Variants in ZDHHC14 observed in about 807,000 individuals in gnomAD.
ZDHHC14 encodes the protein palmitoyltransferase ZDHHC14.
In ZDHHC14, 16 loss-of-function variants were observed where a neutral mutation model predicts 47.7. That is an observed-to-expected ratio of 0.34 (90% confidence interval 0.23 to 0.51). The LOEUF is 0.51. Among genes scored for constraint, ZDHHC14 ranks in the 20% least tolerant of loss-of-function variants. ZDHHC14 has a pLI of 0.97. For missense variants in ZDHHC14, 515 were observed against 662.5 expected (o/e 0.78, Z 2.44); for synonymous variants, 293 against 278.9 (o/e 1.05, Z -0.50).
Position 157,672,887 on chromosome 6 carries a change from C to T in ZDHHC14, c.1232C>T (p.Pro411Leu), listed in dbSNP as rs200421402. The change falls in exon 9 of 9, where the codon CCG (proline) becomes CTG (leucine). Residue 411 changes from proline to leucine, a missense_variant. Around this residue, in one of 4 missense-constraint regions of ZDHHC14, gnomAD observed 221 missense variants for 233.6 expected, o/e 0.95. Coordinates refer to ENST00000359775, the MANE Select transcript of ZDHHC14 (RefSeq NM_024630.3). ...AGCCTCACACTGGGCCCGCCCACAC[C>T]GCCCGCCTCCATGCCCAACCTCGCC... ...CASLTLGPPT[P>L]PASMPNLAEA... is the part of the protein sequence containing the mutation. 1.9e-5 allele frequency: 31 copies of T among 1,606,278 alleles called. 1 individual carries two copies. In the African/African-American group the frequency reaches 2.0e-4, roughly 10 times the overall value.
At chr6:157,477,327 C>T (rs968512206) in intron 1 of ZDHHC14, among the ~76,000 whole-genome samples, 1 of 152,186 alleles carries the variant, frequency 6.6e-6, no homozygotes, top group Admixed American at 6.5e-5. Context: ...TTGCAGTGAG[C>T]CGAGACCGTG....
intron 5 of ZDHHC14, among the ~76,000 whole-genome samples, chr6:157,642,495 T>C (rs1777302680): frequency 1.3e-5 from 2 of 152,168 alleles, no homozygotes; most frequent in South Asian, 4.1e-4. Context: ...GTTTAGTGAG[T>C]ACCGCAGTGT....
At chr6:157,474,727 A>T (rs1779437765) in intron 1 of ZDHHC14, among the ~76,000 whole-genome samples, 1 of 152,108 alleles carries the variant, frequency 6.6e-6, no homozygotes, top group African/African-American at 2.4e-5. Flanking sequence ...AGAAATGTCT[A>T]TTCTCATTTT....
intron 2 of ZDHHC14, among the ~76,000 whole-genome samples, chr6:157,577,035 C>G (rs1266656437): frequency 6.6e-6 from 1 of 152,118 alleles, no homozygotes; most frequent in African/African-American, 2.4e-5. Context: ...CTCAAGTAGG[C>G]CCCAGTGTGT....
At chr6:157,643,675 ATGCTG>A (rs1173426698) in intron 5 of ZDHHC14, among the ~76,000 whole-genome samples, 29 of 129,492 alleles carry the variant, frequency 2.2e-4, no homozygotes, top group South Asian at 5.2e-4. Flanking sequence ...ATATATATAT[ATGCTG>A]TATTTTTTTA....
chr6:157,488,397 C>A (rs901306082), intron 1 of ZDHHC14, among the ~76,000 whole-genome samples: 2 of 152,194 alleles, frequency 1.3e-5, no homozygotes, highest in African/African-American at 4.8e-5. Context: ...GAAATCCACT[C>A]GCCCTGTGGT....
intron 2 of ZDHHC14, among the ~76,000 whole-genome samples, chr6:157,559,019 A>G (rs1782594252): frequency 6.6e-6 from 1 of 152,164 alleles, no homozygotes; most frequent in Admixed American, 6.5e-5. Context: ...AAAACACACA[A>G]ACAATGAGCT....
intron 1 of ZDHHC14, among the ~76,000 whole-genome samples, chr6:157,510,136 C>T (rs942598724): frequency 2.0e-5 from 3 of 152,182 alleles, no homozygotes; most frequent in African/African-American, 7.2e-5. Flanking sequence ...CGCAGCTACT[C>T]AGGAGGCTGA....
rs764999777 is a variant in ZDHHC14 at position 157,628,471 on chromosome 6, A to G, written c.688A>G (p.Thr230Ala). The G allele has an allele frequency of 2.8e-5, 45 of 1,612,320 alleles. No homozygotes were observed. Among genetic ancestry groups the G allele is most frequent in the Non-Finnish European group, 3.6e-5 (42 of 1,179,752 alleles). Reference sequence around the variant, plus strand: ...AGTCTTTATATTTGCATTCGTTATCACCCACGTCATTCTTCGTAAGTATGC... The same window carrying G: ...AGTCTTTATATTTGCATTCGTTATCGCCCACGTCATTCTTCGTAAGTATGC... ...LTVFIFAFVI[T>A]HVILRSQQTG... Residue 230 changes from threonine to alanine, a missense_variant, in exon 4 of 9, where the codon ACC becomes GCC. Transcript: ENST00000359775.
intron 1 of ZDHHC14, among the ~76,000 whole-genome samples, chr6:157,424,078 G>A (rs560986513): frequency 4.6e-5 from 7 of 152,276 alleles, no homozygotes; most frequent in Admixed American, 3.9e-4. Flanking sequence ...CAGTCTGTTC[G>A]CACCCAAACC....
At position 157,440,162 on chromosome 6, in the gene ZDHHC14, T is replaced by TTAATAATAATAA. The variant is rs199803371; in HGVS notation, c.245+57915_245+57926dup. Among the ~76,000 whole-genome samples the TTAATAATAATAA allele has an allele frequency of 9.3e-4, 138 of 148,002 alleles. 1 individual carries two copies. Among genetic ancestry groups the TTAATAATAATAA allele is most frequent in the African/African-American group, 3.4e-3 (135 of 39,972 alleles). On this transcript the variant is annotated intron_variant, in intron 1 of 8. Coordinates refer to ENST00000359775, the MANE Select transcript of ZDHHC14 (RefSeq NM_024630.3). ...CATCCTGCACAGGTACCCTGGAACTTTAATAATAATAATAATAATAATAAT... is the reference window on the plus strand; with the variant it reads ...CATCCTGCACAGGTACCCTGGAACTTTAATAATAATAATAATAATAATAATAATAATAATAAT...
intron 1 of ZDHHC14, among the ~76,000 whole-genome samples, chr6:157,392,223 A>G (rs141726501): frequency 0.012 from 1,769 of 152,322 alleles, 14 homozygotes; most frequent in Non-Finnish European, 0.016. Flanking sequence ...GCTATCAACT[A>G]ATCATTGAAG....
chr6:157,427,546 G>T lies in ZDHHC14; in HGVS notation c.245+45280G>T, dbSNP rs2114777207. On this transcript the variant is annotated intron_variant, in intron 1 of 8. Coordinates refer to ENST00000359775, the MANE Select transcript of ZDHHC14 (RefSeq NM_024630.3). This position sits in a 1 kb window ranked among gnomAD's most constrained non-coding sequence, Gnocchi z 4.4. ...AACAGAGCAAATGCAGGACCAGGAG[G>T]CTGGAAAGTCAACAGCAATGGCAAA... 6.6e-6 allele frequency among the ~76,000 whole-genome samples: 1 copy of T among 152,244 alleles called. No individual in the cohort carries two copies. The highest frequency in any genetic ancestry group is 2.1e-4 in the South Asian group (1 of 4,820).
chr6:157,416,978 T>TG (rs1562416854), intron 1 of ZDHHC14, among the ~76,000 whole-genome samples: 83 of 105,696 alleles, frequency 7.9e-4, no homozygotes, highest in African/African-American at 1.3e-3. Context: ...GCTAGTTTTT[T>TG]TTTTTTTTTT....
At chr6:157,626,078 T>C (rs1327553763) in intron 3 of ZDHHC14, among the ~76,000 whole-genome samples, 2 of 152,200 alleles carry the variant, frequency 1.3e-5, no homozygotes, top group East Asian at 3.8e-4. Context: ...ACAACCTGCC[T>C]GCTATGGTAG....
intron 3 of ZDHHC14, among the ~76,000 whole-genome samples, chr6:157,615,850 G>A (rs952318209): frequency 2.6e-5 from 4 of 152,156 alleles, no homozygotes; most frequent in African/African-American, 9.7e-5. Context: ...TTTAGAAAAT[G>A]AAAAATAATG....
chr6:157,635,994 A>G (rs1280200617), intron 5 of ZDHHC14, among the ~76,000 whole-genome samples: 1 of 152,212 alleles, frequency 6.6e-6, no homozygotes, highest in South Asian at 2.1e-4. Context: ...TCCCACAGCC[A>G]GGCGCTCCCC....
At chr6:157,487,677 A>G (rs544295954) in intron 1 of ZDHHC14, among the ~76,000 whole-genome samples, 2 of 152,358 alleles carry the variant, frequency 1.3e-5, no homozygotes, top group South Asian at 4.1e-4. Flanking sequence ...ACAAGGATTC[A>G]TGCATGGTTG....
chr6:157,533,629 C>T (rs1324680901), intron 1 of ZDHHC14, among the ~76,000 whole-genome samples: 1 of 152,156 alleles, frequency 6.6e-6, no homozygotes, highest in Non-Finnish European at 1.5e-5. Flanking sequence ...AGCCAGATGG[C>T]TTTGTAGCCT....
Sources: allele counts gnomAD v4.1 joint callset (sites outside exome capture counted in the v4.1 genomes callset), GRCh38; gene constraint gnomAD v4.1.1; regional missense constraint gnomAD v4.1.1; non-coding constraint Gnocchi (gnomAD v3.1); transcripts MANE v1.5; gene names NCBI Gene and HGNC (gene_info 2026-07-23, HGNC 2026-07-21).